TENM2: variants seen among roughly 807,000 people sequenced by gnomAD.
TENM2 encodes the protein teneurin transmembrane protein 2.
A neutral mutation model predicts 245.2 loss-of-function variants in TENM2; 52 were observed. The observed-to-expected ratio is 0.21, with a 90% CI of 0.17 to 0.27. TENM2 has a LOEUF of 0.27. Among genes scored for constraint, TENM2 ranks in the 10% least tolerant of loss-of-function variants. The pLI, the probability that TENM2 is intolerant of heterozygous loss-of-function variation, is 1.00. For missense variants in TENM2, 3,046 were observed against 3,666.8 expected, an observed-to-expected ratio of 0.83 and a Z score of 4.37; for synonymous variants, 1,363 against 1,438.9, an observed-to-expected ratio of 0.95 and a Z score of 1.19.
intron 2 of TENM2, among the ~76,000 whole-genome samples, chr5:167,809,813 A>G (rs185700385): frequency 1.1e-4 from 17 of 152,250 alleles, no homozygotes; most frequent in Admixed American, 4.6e-4. Flanking sequence ...AGTTTGGGGA[A>G]TTAAATTTTG....
At chr5:167,072,351 T>C in the TENM2 span, among the ~76,000 whole-genome samples, 50 of 152,322 alleles carry the variant, frequency 3.3e-4, no homozygotes, top group Admixed American at 6.5e-4. Context: ...AGGAACTTAG[T>C]GAGTCACTTA....
chr5:167,080,767 C>G, the TENM2 span, among the ~76,000 whole-genome samples: 3 of 152,154 alleles, frequency 2.0e-5, no homozygotes, highest in East Asian at 5.8e-4. Flanking sequence ...AAAAATGTAT[C>G]TTCTCAAAGA....
At chr5:168,204,527 G>A in exon 19 of TENM2, 1 of 1,614,020 alleles carries the variant, frequency 6.2e-7, no homozygotes, top group South Asian at 1.1e-5. Flanking sequence ...AGTGGCTCTG[G>A]CTGTTGGAAT....
intron 2 of TENM2, among the ~76,000 whole-genome samples, chr5:167,807,124 T>TAAAAAAAAAAAAAAAAAAAAA (rs1178739925): frequency 2.2e-4 from 11 of 49,080 alleles, no homozygotes; most frequent in African/African-American, 8.4e-4. Flanking sequence ...GCCCCTAGGT[T>TAAAAAAAAAAAAAAAAAAAAA]AAAAAAAAAA....
At chr5:167,333,121 G>A (rs756095987) in intron 1 of TENM2, among the ~76,000 whole-genome samples, 2 of 152,176 alleles carry the variant, frequency 1.3e-5, no homozygotes, top group Non-Finnish European at 2.9e-5. Flanking sequence ...ACAGTGTTAT[G>A]GGCATTAAGT....
chr5:167,324,587 A>C (rs557017933), intron 1 of TENM2, among the ~76,000 whole-genome samples: 5 of 152,232 alleles, frequency 3.3e-5, no homozygotes, highest in African/African-American at 7.2e-5. Context: ...TGGAAAAAAA[A>C]CTAAATCGAA....
intron 2 of TENM2, among the ~76,000 whole-genome samples, chr5:167,541,563 C>T (rs1422050814): frequency 6.6e-6 from 1 of 152,144 alleles, no homozygotes; most frequent in Non-Finnish European, 1.5e-5. Context: ...AGCCGTCTCA[C>T]TTCAGTGTTG....
Position 167,474,164 on chromosome 5 carries a change from T to C in TENM2, c.502+98691T>C, listed in dbSNP as rs77431082. ...TCCATTATGAAAACTTTTAGAGATG[T>C]AGATGAAGTTGTCAAGTATTTACTT... On this transcript the variant is annotated intron_variant, in intron 2 of 28. Coordinates refer to ENST00000518659, the Ensembl canonical transcript of TENM2. Among the ~76,000 whole-genome samples the C allele has an allele frequency of 0.03, 4,495 of 152,286 alleles. 349 individuals carry two copies. The East Asian group carries it at 0.3, about 10-fold the overall frequency.
At chr5:167,950,500 C>T (rs997793278) in intron 3 of TENM2, among the ~76,000 whole-genome samples, 8 of 151,968 alleles carry the variant, frequency 5.3e-5, no homozygotes, top group Non-Finnish European at 1.0e-4. Context: ...AAAGTTAGGA[C>T]TTAGGGCTGG....
At chr5:167,380,309 A>G (rs567790840) in intron 2 of TENM2, among the ~76,000 whole-genome samples, 1 of 152,316 alleles carries the variant, frequency 6.6e-6, no homozygotes, top group Non-Finnish European at 1.5e-5. Context: ...AAATGTAAGA[A>G]TATCACATTG....
At chr5:167,552,832 TG>T (rs754888830) in intron 2 of TENM2, among the ~76,000 whole-genome samples, 1 of 152,234 alleles carries the variant, frequency 6.6e-6, no homozygotes, top group Non-Finnish European at 1.5e-5. Context: ...CATGGTTGCA[TG>T]AACTTTCTTC....
At chr5:167,276,063 G>A in the TENM2 span, among the ~76,000 whole-genome samples, 356 of 152,084 alleles carry the variant, frequency 2.3e-3, 2 homozygotes, top group African/African-American at 8.2e-3. Context: ...TGTTCATGGT[G>A]TGTAATTGTG....
At chr5:167,477,728 AC>A (rs1767485645) in intron 2 of TENM2, among the ~76,000 whole-genome samples, 1 of 152,214 alleles carries the variant, frequency 6.6e-6, no homozygotes, top group Admixed American at 6.5e-5. Flanking sequence ...TTTTAATATC[AC>A]TTTTTCTTCC....
At chr5:167,482,807 A>G (rs1263059442) in intron 2 of TENM2, among the ~76,000 whole-genome samples, 3 of 152,224 alleles carry the variant, frequency 2.0e-5, no homozygotes, top group Non-Finnish European at 4.4e-5. Context: ...TAAGTGAGGT[A>G]ATTGACATAC....
intron 2 of TENM2, among the ~76,000 whole-genome samples, chr5:167,640,124 C>T (rs1368747543): frequency 2.6e-5 from 4 of 152,144 alleles, no homozygotes; most frequent in Admixed American, 2.6e-4. Flanking sequence ...TATGTTTACA[C>T]ACAATATGTA....
At chr5:167,362,298 G>A (rs1430104374) in intron 1 of TENM2, among the ~76,000 whole-genome samples, 3 of 152,186 alleles carry the variant, frequency 2.0e-5, no homozygotes, top group African/African-American at 4.8e-5. Flanking sequence ...TTTTAGACAA[G>A]TATCTACATC....
the TENM2 span, among the ~76,000 whole-genome samples, chr5:167,051,235 A>C: frequency 2.0e-5 from 3 of 151,704 alleles, no homozygotes; most frequent in Non-Finnish European, 4.4e-5. Flanking sequence ...AAAAAAAAGC[A>C]AAAGGCAAAC....
the TENM2 span, among the ~76,000 whole-genome samples, chr5:167,018,749 A>G: frequency 6.8e-6 from 1 of 147,658 alleles, no homozygotes; most frequent in Non-Finnish European, 1.5e-5. Context: ...AAATTTAAAG[A>G]TGATCTACAC....
At chr5:167,551,495 T>C (rs543980337) in intron 2 of TENM2, among the ~76,000 whole-genome samples, 1 of 152,292 alleles carries the variant, frequency 6.6e-6, no homozygotes, top group African/African-American at 2.4e-5. Context: ...ACTGTATGTC[T>C]TTGACACTAA....
Sources: allele counts gnomAD v4.1 joint callset (sites outside exome capture counted in the v4.1 genomes callset), GRCh38; gene constraint gnomAD v4.1.1; transcripts MANE v1.5; gene names NCBI Gene and HGNC (gene_info 2026-07-23, HGNC 2026-07-21).